The following AFG1L variants were observed in gnomAD, a reference collection of about 807,000 sequenced individuals.
The protein encoded by AFG1L is AFG1 like ATPase.
Under a neutral mutation model 62.2 loss-of-function variants are expected in AFG1L, and 53 were observed. The ratio of observed to expected loss-of-function variants is 0.85; its 90% CI spans 0.68 to 1.07. The LOEUF (loss-of-function observed/expected upper bound fraction) is 1.07. Ranked by LOEUF, AFG1L falls within the 50% of genes least tolerant of loss-of-function variation. AFG1L has a pLI of 0.00. For synonymous variants in AFG1L, 228 were observed against 210.3 expected, an observed-to-expected ratio of 1.08 and a Z score of -0.73; for missense variants, 555 against 590.5, an observed-to-expected ratio of 0.94 and a Z score of 0.62.
chr6:108,437,936 A>G (rs1405026049), intron 7 of AFG1L, among the ~76,000 whole-genome samples: 2 of 152,298 alleles, frequency 1.3e-5, no homozygotes, highest in Middle Eastern at 3.4e-3. Flanking sequence ...CCTACAAACT[A>G]TGTGGCCTCT....
chr6:108,480,375 G>A (rs1393644399), intron 10 of AFG1L, among the ~76,000 whole-genome samples: 1 of 152,202 alleles, frequency 6.6e-6, no homozygotes, highest in Non-Finnish European at 1.5e-5. Context: ...ACACCAAGAT[G>A]TTAAGTTACC....
At chr6:108,493,257 A>T (rs1167721219) in intron 10 of AFG1L, among the ~76,000 whole-genome samples, 2 of 152,224 alleles carry the variant, frequency 1.3e-5, no homozygotes, top group Non-Finnish European at 2.9e-5. Flanking sequence ...AACCTTAGAT[A>T]CTGTGAGAAC....
intron 6 of AFG1L, among the ~76,000 whole-genome samples, chr6:108,371,184 G>T (rs1375817740): frequency 3.9e-5 from 6 of 151,924 alleles, no homozygotes; most frequent in Admixed American, 1.3e-4. Context: ...TTTTTGTTTT[G>T]TTTTATTTTT....
chr6:108,515,314 G>A lies in AFG1L; in HGVS notation c.1204-4383G>A, dbSNP rs561678855. On this transcript the variant is annotated intron_variant, in intron 11 of 12. Coordinates refer to ENST00000368977, the MANE Select transcript of AFG1L (RefSeq NM_145315.5). ...AACAAACTGTCTCTCAGACCACAGTGCAATCAAACTAGAACTCAGGATTAA... is the reference window on the plus strand; with the variant it reads ...AACAAACTGTCTCTCAGACCACAGTACAATCAAACTAGAACTCAGGATTAA... 1.1e-4 allele frequency among the ~76,000 whole-genome samples: 17 copies of A among 152,310 alleles called. No individual in the cohort carries two copies. The East Asian group carries it at 3.1e-3, about 28-fold the overall frequency.
intron 5 of AFG1L, chr6:108,359,476 T>C (rs1201320060): frequency 6.6e-6 from 1 of 152,242 alleles, no homozygotes; most frequent in Non-Finnish European, 1.5e-5. Context: ...GAGATCCCTG[T>C]TATTGCCTGC....
chr6:108,450,714 A>G (rs1341554755), intron 8 of AFG1L, among the ~76,000 whole-genome samples: 1 of 152,146 alleles, frequency 6.6e-6, no homozygotes, highest in Non-Finnish European at 1.5e-5. Context: ...GTTTTCTTCT[A>G]GCGTTTTTAT....
intron 8 of AFG1L, among the ~76,000 whole-genome samples, chr6:108,456,398 T>C (rs950179769): frequency 6.6e-6 from 1 of 152,156 alleles, no homozygotes. Flanking sequence ...TTCTTTTAAT[T>C]GGGGATATTT....
At chr6:108,422,961 CTTGAAG>C (rs1770668418) in intron 7 of AFG1L, among the ~76,000 whole-genome samples, 1 of 151,962 alleles carries the variant, frequency 6.6e-6, no homozygotes, top group African/African-American at 2.4e-5. Flanking sequence ...GCCTTTTATA[CTTGAAG>C]TTGATTTGAA....
chr6:108,395,034 A>T (rs1417607377), intron 6 of AFG1L, among the ~76,000 whole-genome samples: 1 of 152,186 alleles, frequency 6.6e-6, no homozygotes, highest in South Asian at 2.1e-4. Flanking sequence ...TCTCATTTTG[A>T]ATCTTGAAAT....
Position 108,356,823 on chromosome 6 carries a change from A to G in AFG1L, c.648+3A>G. On this transcript the variant is annotated splice_donor_region_variant and intron_variant, in intron 5 of 12. Coordinates refer to ENST00000368977, the MANE Select transcript of AFG1L (RefSeq NM_145315.5). ...TCCTATGTTTTGATGAATTTCAGGT[A>G]AAGTAGAGATTTTTCATAGATATAG... 1.2e-6 allele frequency: 2 copies of G among 1,606,350 alleles called. No homozygotes were observed. The highest frequency in any genetic ancestry group is 1.7e-6 in the Non-Finnish European group (2 of 1,177,388).
intron 7 of AFG1L, among the ~76,000 whole-genome samples, chr6:108,442,111 G>T (rs1771578164): frequency 6.6e-6 from 1 of 151,822 alleles, no homozygotes; most frequent in African/African-American, 2.4e-5. Flanking sequence ...ATTGACCATT[G>T]CTTACCATAG....
At chr6:108,489,955 A>G (rs1158216862) in intron 10 of AFG1L, among the ~76,000 whole-genome samples, 3 of 152,262 alleles carry the variant, frequency 2.0e-5, no homozygotes, top group Admixed American at 6.5e-5. Context: ...GTATGTTTTC[A>G]CTAGAGTCAA....
At chr6:108,377,602 T>C (rs1018422447) in intron 6 of AFG1L, among the ~76,000 whole-genome samples, 1 of 152,204 alleles carries the variant, frequency 6.6e-6, no homozygotes, top group African/African-American at 2.4e-5. Flanking sequence ...AGGTTTCTGC[T>C]GACAGGTCCA....
intron 5 of AFG1L, among the ~76,000 whole-genome samples, chr6:108,363,183 C>G (rs1355463883): frequency 1.3e-5 from 2 of 152,176 alleles, no homozygotes; most frequent in Non-Finnish European, 2.9e-5. Flanking sequence ...GCAGAATGCT[C>G]TTCATTAGTT....
chr6:108,441,755 A>G (rs984724363), intron 7 of AFG1L, among the ~76,000 whole-genome samples: 21 of 150,414 alleles, frequency 1.4e-4, no homozygotes, highest in Non-Finnish European at 2.7e-4. Flanking sequence ...TATTTTTCAG[A>G]CAATTAAGTG....
chr6:108,309,801 T>G (rs1449591706), intron 1 of AFG1L, among the ~76,000 whole-genome samples: 1 of 152,162 alleles, frequency 6.6e-6, no homozygotes, highest in African/African-American at 2.4e-5. Flanking sequence ...AAATATCTTA[T>G]TAATAATTAA....
intron 6 of AFG1L, among the ~76,000 whole-genome samples, chr6:108,367,949 T>C (rs527662517): frequency 6.6e-6 from 1 of 151,564 alleles, no homozygotes; most frequent in Admixed American, 6.6e-5. Context: ...TAGTGGGAAC[T>C]TTTTTTTTAA....
chr6:108,420,571 G>C (rs1039144372), intron 7 of AFG1L, among the ~76,000 whole-genome samples: 1 of 151,508 alleles, frequency 6.6e-6, no homozygotes, highest in Non-Finnish European at 1.5e-5. Flanking sequence ...AAATATCTAA[G>C]ATGAAAATGG....
intron 6 of AFG1L, among the ~76,000 whole-genome samples, chr6:108,389,207 T>A (rs1780931045): frequency 6.6e-6 from 1 of 152,156 alleles, no homozygotes; most frequent in Non-Finnish European, 1.5e-5. Flanking sequence ...AACCCCTGCC[T>A]TTTTTTGTTT....
Sources: allele counts gnomAD v4.1 joint callset (sites outside exome capture counted in the v4.1 genomes callset), GRCh38; gene constraint gnomAD v4.1.1; transcripts MANE v1.5; gene names NCBI Gene and HGNC (gene_info 2026-07-23, HGNC 2026-07-21).